Variants in FTO observed in about 807,000 individuals in gnomAD.
FTO encodes FTO alpha-ketoglutarate dependent dioxygenase.
FTO carries 47 observed loss-of-function variants against 63.9 expected under a neutral mutation model. The ratio of observed to expected loss-of-function variants is 0.74; its 90% CI spans 0.58 to 0.94. The LOEUF is 0.94. Ranked by LOEUF, FTO falls within the 40% of genes least tolerant of loss-of-function variation. The probability of loss-of-function intolerance (pLI) is 0.00; values close to 1 mark genes in which losing one functional copy is unlikely to be tolerated. For missense variants in FTO, 562 were observed against 618.1 expected (o/e 0.91, Z 0.96); for synonymous variants, 207 against 224.4 (o/e 0.92, Z 0.69).
intron 8 of FTO, among the ~76,000 whole-genome samples, chr16:54,031,804 G>A (rs1283640618): frequency 1.3e-5 from 2 of 152,126 alleles, no homozygotes; most frequent in Admixed American, 1.3e-4. Flanking sequence ...CCATACCTTA[G>A]CAAACCTTAA....
intron 4 of FTO, among the ~76,000 whole-genome samples, chr16:53,861,114 A>G (rs1028151714): frequency 7.2e-5 from 11 of 152,210 alleles, no homozygotes; most frequent in Admixed American, 7.2e-4. Context: ...TTGATATTAT[A>G]TATATTGCTA....
chr16:53,893,852 T>C (rs2081214536), intron 7 of FTO, among the ~76,000 whole-genome samples: 1 of 152,240 alleles, frequency 6.6e-6, no homozygotes, highest in African/African-American at 2.4e-5. Flanking sequence ...TTGCGTTTCC[T>C]GTTCTGACAA....
intron 1 of FTO, among the ~76,000 whole-genome samples, chr16:53,748,210 G>A (rs1257941120): frequency 2.0e-5 from 3 of 152,136 alleles, no homozygotes; most frequent in Non-Finnish European, 2.9e-5. Context: ...AATGACATTG[G>A]AATGTTGATA....
intron 2 of FTO, among the ~76,000 whole-genome samples, chr16:53,822,169 A>G (rs932828492): frequency 6.6e-6 from 1 of 152,196 alleles, no homozygotes; most frequent in Non-Finnish European, 1.5e-5. Context: ...AATGACCAGC[A>G]TACATTCTTA....
chr16:53,892,568 G>T (rs1180446190), intron 7 of FTO, among the ~76,000 whole-genome samples: 2 of 152,076 alleles, frequency 1.3e-5, no homozygotes, highest in African/African-American at 4.8e-5. Flanking sequence ...TTAGACAAAT[G>T]ATTCTTTTTT....
chr16:54,014,108 T>G (rs536135386), intron 8 of FTO, among the ~76,000 whole-genome samples: 1 of 152,346 alleles, frequency 6.6e-6, no homozygotes, highest in East Asian at 1.9e-4. Context: ...TAGTGATATA[T>G]GCACTTTGGT....
intron 2 of FTO, among the ~76,000 whole-genome samples, chr16:53,815,122 G>A (rs899209544): frequency 3.3e-5 from 5 of 151,960 alleles, no homozygotes; most frequent in African/African-American, 7.3e-5. Flanking sequence ...CCGGTTATAC[G>A]AGAACTTATA....
intron 1 of FTO, among the ~76,000 whole-genome samples, chr16:53,781,079 G>A (rs1344908962): frequency 6.6e-6 from 1 of 152,154 alleles, no homozygotes; most frequent in Non-Finnish European, 1.5e-5. Flanking sequence ...TGCCCCTAGA[G>A]CTTAGAACAG....
chr16:53,731,914 C>T (rs1598512218), intron 1 of FTO, among the ~76,000 whole-genome samples: 1 of 151,564 alleles, frequency 6.6e-6, no homozygotes, highest in South Asian at 2.1e-4. Flanking sequence ...TTTGTAGAGA[C>T]AGGGTTTCAC....
intron 8 of FTO, among the ~76,000 whole-genome samples, chr16:54,062,061 G>A (rs1218884757): frequency 6.6e-6 from 1 of 152,180 alleles, no homozygotes; most frequent in Non-Finnish European, 1.5e-5. Flanking sequence ...ATGGCCACAG[G>A]CATCACGTTG....
At chr16:53,765,926 A>T (rs965880516) in intron 1 of FTO, among the ~76,000 whole-genome samples, 2 of 152,178 alleles carry the variant, frequency 1.3e-5, no homozygotes, top group Non-Finnish European at 2.9e-5. Flanking sequence ...GTTTTAAGGT[A>T]GGGAGCGTGT....
rs1433938405 is a variant in FTO, at chr16:53,704,156, G to A, written c.-29G>A. The A allele has an allele frequency of 5.8e-6, 9 of 1,551,286 alleles. No individual in the cohort carries two copies. The highest frequency in any genetic ancestry group is 7.8e-6 in the Non-Finnish European group (9 of 1,146,704). The stretch of plus-strand genomic sequence containing the variant: ...CCAGGGCGAGGGATCTACGCAGCTT[G>A]CGGTGGCGAAGGCGGCTTTAGTGGC... On this transcript the variant is annotated 5_prime_UTR_variant, in exon 1 of 9. Coordinates refer to ENST00000471389, the MANE Select transcript of FTO (RefSeq NM_001080432.3).
chr16:53,839,780 TTTATTTA>T (rs2079412703), intron 3 of FTO, among the ~76,000 whole-genome samples: 1 of 40,768 alleles, frequency 2.5e-5, no homozygotes, highest in African/African-American at 2.2e-4. Context: ...TTTTTTTTTA[TTTATTTA>T]TTTATTTATT....
intron 8 of FTO, among the ~76,000 whole-genome samples, chr16:53,994,844 G>A (rs972257413): frequency 2.7e-5 from 4 of 150,652 alleles, no homozygotes; most frequent in East Asian, 3.9e-4. Flanking sequence ...AACAATTCTC[G>A]TGCCTCAGCC....
intron 4 of FTO, among the ~76,000 whole-genome samples, chr16:53,855,888 C>A (rs950966248): frequency 6.6e-6 from 1 of 152,072 alleles, no homozygotes; most frequent in African/African-American, 2.4e-5. Context: ...GTGTTGGTTT[C>A]TTTTAGGCTG....
At chr16:53,880,775 A>G (rs1052275526) in intron 6 of FTO, among the ~76,000 whole-genome samples, 8 of 151,904 alleles carry the variant, frequency 5.3e-5, no homozygotes, top group Admixed American at 3.3e-4. Flanking sequence ...TCTTAATGCC[A>G]TTGCCTCGGA....
At chr16:53,829,327 A>G (rs1328174077) in intron 3 of FTO, among the ~76,000 whole-genome samples, 2 of 152,168 alleles carry the variant, frequency 1.3e-5, no homozygotes, top group Non-Finnish European at 2.9e-5. Flanking sequence ...TCCAGCACAT[A>G]CTCTCAGATG....
intron 7 of FTO, among the ~76,000 whole-genome samples, chr16:53,929,992 G>C (rs756917851): frequency 1.3e-5 from 2 of 152,138 alleles, no homozygotes; most frequent in Non-Finnish European, 2.9e-5. Context: ...CTGCACATGA[G>C]GACCACACTG....
At position 53,754,454 on chromosome 16, in the gene FTO, C is replaced by G. The variant is rs560919007; in HGVS notation, c.45+50225C>G. Among the ~76,000 whole-genome samples, 24 of 152,236 alleles carry G rather than the reference C, an allele frequency of 1.6e-4. No individual in the cohort carries two copies. In the South Asian group the frequency reaches 4.3e-3, roughly 28 times the overall value. On this transcript the variant is annotated intron_variant, in intron 1 of 8. Coordinates refer to ENST00000471389, the MANE Select transcript of FTO (RefSeq NM_001080432.3). ...GGAGTTCAAGATCAGTCTGGCCAAC[C>G]TGGCGAAACCCCATCTCTACTAAAA... is the stretch of plus-strand genomic sequence containing the variant.
Sources: allele counts gnomAD v4.1 joint callset (sites outside exome capture counted in the v4.1 genomes callset), GRCh38; gene constraint gnomAD v4.1.1; transcripts MANE v1.5; gene names NCBI Gene and HGNC (gene_info 2026-07-23, HGNC 2026-07-21).